Variants in OSBPL10 observed in about 807,000 individuals in gnomAD.
OSBPL10 encodes the protein oxysterol binding protein like 10.
In OSBPL10, 49 loss-of-function variants were observed where a neutral mutation model predicts 81.7. The ratio of observed to expected loss-of-function variants is 0.60; its 90% confidence interval spans 0.48 to 0.76. OSBPL10 has a LOEUF of 0.76. OSBPL10 is among the 30% of genes least tolerant of loss of function. The probability of loss-of-function intolerance (pLI) is 0.00; values close to 1 mark genes in which losing one functional copy is unlikely to be tolerated. For missense variants in OSBPL10, 923 were observed against 987.8 expected (o/e 0.93, Z 0.88); for synonymous variants, 419 against 383.6 (o/e 1.09, Z -1.08).
intron 4 of OSBPL10, among the ~76,000 whole-genome samples, chr3:31,756,388 G>T (rs768784839): frequency 2.6e-5 from 4 of 152,064 alleles, no homozygotes; most frequent in African/African-American, 7.2e-5. Flanking sequence ...TTTGCTTTCC[G>T]ATTACAAAAG....
intron 3 of OSBPL10, among the ~76,000 whole-genome samples, chr3:31,833,705 GCACACACACACACA>G (rs10591808): frequency 2.2e-5 from 3 of 137,962 alleles, no homozygotes; most frequent in African/African-American, 8.2e-5. Flanking sequence ...ACACGCACAC[GCACACACACACACA>G]CACACACACA....
intron 4 of OSBPL10, among the ~76,000 whole-genome samples, chr3:31,785,560 G>T (rs1431996826): frequency 6.6e-6 from 1 of 152,132 alleles, no homozygotes; most frequent in African/African-American, 2.4e-5. Context: ...AGGGGTTTTG[G>T]ACTGGCAGTC....
chr3:31,913,121 CT>C (rs1439775356), intron 1 of OSBPL10, among the ~76,000 whole-genome samples: 3 of 152,082 alleles, frequency 2.0e-5, no homozygotes, highest in African/African-American at 7.2e-5. Flanking sequence ...AGACTCTGTG[CT>C]TTTAATTTAT....
At chr3:31,899,374 T>G (rs938229603) in intron 1 of OSBPL10, among the ~76,000 whole-genome samples, 10 of 151,318 alleles carry the variant, frequency 6.6e-5, no homozygotes, top group Non-Finnish European at 1.5e-4. Flanking sequence ...ATGCAATATA[T>G]CCTCCAAAAA....
Position 31,814,907 on chromosome 3 carries a change from C to T in OSBPL10, c.729+15133G>A, listed in dbSNP as rs531983274. Among the ~76,000 whole-genome samples the T allele has an allele frequency of 1.3e-4, 20 of 152,274 alleles. No individual in the cohort carries two copies. The East Asian group carries it at 3.9e-3, about 29-fold the overall frequency. Reference sequence around the variant, plus strand: ...GCCAAGAATTCTTTGCTCTCTTGCCCCTGAGGATATGATATGCCCTTCTCG... The same window carrying T: ...GCCAAGAATTCTTTGCTCTCTTGCCTCTGAGGATATGATATGCCCTTCTCG... On this transcript the variant is annotated intron_variant, in intron 4 of 11. Coordinates refer to ENST00000396556, the MANE Select transcript of OSBPL10 (RefSeq NM_017784.5).
At chr3:31,952,558 C>A (rs1022182100) in intron 1 of OSBPL10, among the ~76,000 whole-genome samples, 3 of 152,176 alleles carry the variant, frequency 2.0e-5, no homozygotes, top group African/African-American at 7.2e-5. Flanking sequence ...TCAGGCACAG[C>A]ATGGGGAGCA....
At chr3:31,763,848 A>G (rs534675179) in intron 4 of OSBPL10, among the ~76,000 whole-genome samples, 10 of 152,258 alleles carry the variant, frequency 6.6e-5, no homozygotes, top group Non-Finnish European at 1.5e-4. Context: ...GCTTTAGCAA[A>G]TGAAACTCTG....
chr3:31,832,806 T>C (rs980267693), intron 3 of OSBPL10, among the ~76,000 whole-genome samples: 15 of 152,128 alleles, frequency 9.9e-5, no homozygotes, highest in African/African-American at 3.4e-4. Context: ...GGCAGCACAC[T>C]ACATAGCAAC....
intron 7 of OSBPL10, among the ~76,000 whole-genome samples, chr3:31,684,942 C>T (rs776359288): frequency 2.0e-5 from 3 of 152,098 alleles, no homozygotes; most frequent in Admixed American, 6.5e-5. Context: ...TGTAGAGGCC[C>T]GGATAACTCT....
intron 7 of OSBPL10, chr3:31,700,524 C>A (rs1182714519): frequency 6.6e-6 from 1 of 152,048 alleles, no homozygotes; most frequent in Admixed American, 6.6e-5. Flanking sequence ...TACATCGTTA[C>A]CCAGTACACA....
At chr3:31,775,880 A>T (rs151077265) in intron 4 of OSBPL10, among the ~76,000 whole-genome samples, 353 of 152,298 alleles carry the variant, frequency 2.3e-3, no homozygotes, top group African/African-American at 7.9e-3. Context: ...TTAGAGAACA[A>T]GGTGAAGAAA....
intron 2 of OSBPL10, among the ~76,000 whole-genome samples, chr3:32,001,115 T>C (rs1699140726): frequency 6.6e-6 from 1 of 152,182 alleles, no homozygotes; most frequent in South Asian, 2.1e-4. Flanking sequence ...CTGTCCACTC[T>C]TCCTGAAGCC....
intron 1 of OSBPL10, among the ~76,000 whole-genome samples, chr3:31,926,849 C>A (rs550360079): frequency 7.0e-4 from 107 of 152,328 alleles, no homozygotes; most frequent in African/African-American, 2.4e-3. Context: ...GTGGCTCATG[C>A]CTGTAATCCC....
chr3:31,678,410 C>T (rs1381241050), intron 8 of OSBPL10, among the ~76,000 whole-genome samples: 2 of 152,196 alleles, frequency 1.3e-5, no homozygotes, highest in South Asian at 2.1e-4. Context: ...CACAATCACA[C>T]ACGTGACACC....
chr3:31,938,314 C>T (rs1431391746), intron 1 of OSBPL10, among the ~76,000 whole-genome samples: 18 of 152,116 alleles, frequency 1.2e-4, no homozygotes, highest in Admixed American at 1.2e-3. Context: ...TCAACCAAAT[C>T]CCAACCCCAG....
chr3:32,058,957 G>A (rs1184941915), intron 1 of OSBPL10, among the ~76,000 whole-genome samples: 3 of 152,172 alleles, frequency 2.0e-5, no homozygotes, highest in Non-Finnish European at 4.4e-5. Context: ...CAGAGTAGCT[G>A]GGACTACAAG....
chr3:31,853,269 C>A (rs964904549), intron 3 of OSBPL10, among the ~76,000 whole-genome samples: 1 of 152,146 alleles, frequency 6.6e-6, no homozygotes, highest in Non-Finnish European at 1.5e-5. Flanking sequence ...CAGGTGCCAA[C>A]TAATTAACAA....
intron 5 of OSBPL10, among the ~76,000 whole-genome samples, chr3:31,741,399 G>C (rs952027957): frequency 7.2e-5 from 11 of 152,278 alleles, no homozygotes; most frequent in Admixed American, 2.6e-4. Context: ...CAAGTAGCTG[G>C]GACTACAGGC....
intron 5 of OSBPL10, among the ~76,000 whole-genome samples, chr3:31,734,947 G>C (rs1209720157): frequency 6.6e-6 from 1 of 152,212 alleles, no homozygotes; most frequent in Non-Finnish European, 1.5e-5. Context: ...TCAAAGAAAA[G>C]TCTACAGGTA....
Sources: allele counts gnomAD v4.1 joint callset (sites outside exome capture counted in the v4.1 genomes callset), GRCh38; gene constraint gnomAD v4.1.1; transcripts MANE v1.5; gene names NCBI Gene and HGNC (gene_info 2026-07-23, HGNC 2026-07-21).